The following HS3ST4 variants were observed in gnomAD, a reference collection of about 807,000 sequenced individuals.
HS3ST4 encodes heparan sulfate-glucosamine 3-sulfotransferase 4, also known as heparan sulfate glucosamine 3-O-sulfotransferase 4.
In HS3ST4, 17 loss-of-function variants were observed where a neutral mutation model predicts 29.2. The ratio of observed to expected loss-of-function variants is 0.58; its 90% CI spans 0.40 to 0.87. The LOEUF (loss-of-function observed/expected upper bound fraction) is 0.87, where lower values mean the gene tolerates loss of function less well. Ranked by LOEUF, HS3ST4 falls within the 40% of genes least tolerant of loss-of-function variation. The pLI, the probability that HS3ST4 is intolerant of heterozygous loss-of-function variation, is 0.00. For missense variants in HS3ST4, 627 were observed against 634.5 expected (o/e 0.99, Z 0.13); for synonymous variants, 314 against 285.7 (o/e 1.10, Z -1.00).
At chr16:25,704,564 A>T (rs1966361000) in intron 1 of HS3ST4, among the ~76,000 whole-genome samples, 1 of 152,004 alleles carries the variant, frequency 6.6e-6, no homozygotes, top group South Asian at 2.1e-4. Flanking sequence ...GGCTCAAGTG[A>T]TCTCCTGCCT....
At chr16:26,110,816 A>G (rs774683758) in intron 1 of HS3ST4, among the ~76,000 whole-genome samples, 1 of 151,852 alleles carries the variant, frequency 6.6e-6, no homozygotes, top group Non-Finnish European at 1.5e-5. Context: ...CTCTCCTTCC[A>G]CTGTCTCCCT....
chr16:25,996,124 A>G (rs1969157129), intron 1 of HS3ST4, among the ~76,000 whole-genome samples: 1 of 152,136 alleles, frequency 6.6e-6, no homozygotes, highest in South Asian at 2.1e-4. Context: ...GAGAGACCAG[A>G]TAAGATTTGG....
At chr16:25,916,009 A>G (rs1304320660) in intron 1 of HS3ST4, among the ~76,000 whole-genome samples, 1 of 152,212 alleles carries the variant, frequency 6.6e-6, no homozygotes, top group Non-Finnish European at 1.5e-5. Context: ...TTTTAGAGTA[A>G]ACATCATAGT....
chr16:25,840,797 CTG>C lies in HS3ST4; in HGVS notation c.734+147649_734+147650del, dbSNP rs1325298080. On this transcript the variant is annotated intron_variant, in intron 1 of 1. Transcript: ENST00000331351. ...CCTTACAGCTTGGATCAAATAAACA[CTG>C]TGGAGTTTTTATTGGTAGAAGCAGC... 8.5e-5 allele frequency among the ~76,000 whole-genome samples: 13 copies of C among 152,122 alleles called. No individual in the cohort carries two copies. In the East Asian group the frequency reaches 2.5e-3, roughly 29 times the overall value.
chr16:25,917,914 G>C (rs763441553), intron 1 of HS3ST4, among the ~76,000 whole-genome samples: 1 of 152,094 alleles, frequency 6.6e-6, no homozygotes, highest in African/African-American at 2.4e-5. Flanking sequence ...ACAGAGACTT[G>C]TTCAGGGCAA....
chr16:26,039,473 G>A (rs1969614273), intron 1 of HS3ST4, among the ~76,000 whole-genome samples: 1 of 152,072 alleles, frequency 6.6e-6, no homozygotes, highest in Non-Finnish European at 1.5e-5. Context: ...TGGGTACATA[G>A]TGGGTGTATA....
At chr16:25,976,296 G>T (rs1404252958) in intron 1 of HS3ST4, among the ~76,000 whole-genome samples, 3 of 152,044 alleles carry the variant, frequency 2.0e-5, no homozygotes, top group Non-Finnish European at 4.4e-5. Context: ...TTTCTCCAGG[G>T]ATGTCAGTTT....
chr16:25,886,062 T>C (rs1967947932), intron 1 of HS3ST4, among the ~76,000 whole-genome samples: 1 of 120,812 alleles, frequency 8.3e-6, no homozygotes, highest in Non-Finnish European at 1.6e-5. Flanking sequence ...AGACAGAGTC[T>C]CACTCTTTCA....
intron 1 of HS3ST4, among the ~76,000 whole-genome samples, chr16:25,840,206 A>G (rs1176522478): frequency 2.0e-5 from 3 of 152,216 alleles, no homozygotes; most frequent in African/African-American, 4.8e-5. Flanking sequence ...CCTGTCGACA[A>G]TTTTCCTTAA....
chr16:26,086,596 G>A (rs1567309097), intron 1 of HS3ST4, among the ~76,000 whole-genome samples: 1 of 152,086 alleles, frequency 6.6e-6, no homozygotes, highest in African/African-American at 2.4e-5. Context: ...TGATCCGCCT[G>A]CCTCGGCCTC....
chr16:25,701,318 G>A (rs965505234), intron 1 of HS3ST4, among the ~76,000 whole-genome samples: 3 of 152,214 alleles, frequency 2.0e-5, no homozygotes, highest in Non-Finnish European at 2.9e-5. Context: ...CAATAATTGT[G>A]TGGGATTCTA....
At chr16:25,780,015 G>A (rs1331436835) in intron 1 of HS3ST4, among the ~76,000 whole-genome samples, 1 of 152,186 alleles carries the variant, frequency 6.6e-6, no homozygotes, top group East Asian at 1.9e-4. Context: ...TGAGTGATGA[G>A]AGTGTCCTAG....
chr16:25,771,313 C>T (rs578136821), intron 1 of HS3ST4, among the ~76,000 whole-genome samples: 1 of 152,234 alleles, frequency 6.6e-6, no homozygotes, highest in South Asian at 2.1e-4. Flanking sequence ...AGGGCCAAAC[C>T]TCTGGAGCCT....
intron 1 of HS3ST4, among the ~76,000 whole-genome samples, chr16:26,116,142 A>G (rs911330791): frequency 2.0e-5 from 3 of 152,160 alleles, no homozygotes; most frequent in African/African-American, 7.2e-5. Context: ...TGTGGGCAGG[A>G]TTCAGTTTCA....
chr16:25,953,558 C>T (rs1968701091), intron 1 of HS3ST4, among the ~76,000 whole-genome samples: 1 of 152,126 alleles, frequency 6.6e-6, no homozygotes, highest in South Asian at 2.1e-4. Flanking sequence ...AGGGAGGGGA[C>T]CCACCCCTTT....
intron 1 of HS3ST4, among the ~76,000 whole-genome samples, chr16:25,997,188 G>T (rs1157771909): frequency 6.6e-6 from 1 of 152,020 alleles, no homozygotes; most frequent in Non-Finnish European, 1.5e-5. Context: ...TCCTTTTCTT[G>T]TCTTATTGTA....
At position 25,722,062 on chromosome 16, in the gene HS3ST4, GT is replaced by G. The variant is rs571208209; in HGVS notation, c.734+28915del. 4.6e-3 allele frequency among the ~76,000 whole-genome samples: 700 copies of G among 152,328 alleles called. 9 individuals carry two copies. Among genetic ancestry groups the G allele is most frequent in the Non-Finnish European group, 5.0e-3 (338 of 68,026 alleles). On this transcript the variant is annotated intron_variant, in intron 1 of 1. Transcript: ENST00000331351. ...TTCGATCCTTTGTTGTCAGTGTTCT[GT>G]TTTGGCAGCGTGTAGCCCATTCAGG...
intron 1 of HS3ST4, among the ~76,000 whole-genome samples, chr16:25,970,360 C>T (rs565717071): frequency 7.2e-5 from 11 of 152,246 alleles, no homozygotes; most frequent in Admixed American, 6.5e-4. Context: ...TTTCCTTTGC[C>T]CCTCCATTAT....
chr16:25,741,495 G>A (rs141209997), intron 1 of HS3ST4, among the ~76,000 whole-genome samples: 1 of 151,408 alleles, frequency 6.6e-6, no homozygotes, highest in African/African-American at 2.4e-5. Context: ...TTGAACTTCA[G>A]ATTCAATTCA....
Sources: allele counts gnomAD v4.1 joint callset (sites outside exome capture counted in the v4.1 genomes callset), GRCh38; gene constraint gnomAD v4.1.1; transcripts MANE v1.5; gene names NCBI Gene and HGNC (gene_info 2026-07-23, HGNC 2026-07-21).